Variants in ADGRL1 observed in about 807,000 individuals in gnomAD.
ADGRL1 encodes CIRL-1.
ADGRL1 carries 31 observed loss-of-function variants against 148.9 expected under a neutral mutation model. The observed-to-expected ratio is 0.21, with a 90% CI of 0.16 to 0.28. The LOEUF (loss-of-function observed/expected upper bound fraction) is 0.28, where lower values mean the gene tolerates loss of function less well. Ranked by LOEUF, ADGRL1 falls within the 10% of genes least tolerant of loss-of-function variation. The probability of loss-of-function intolerance (pLI) is 1.00; values close to 1 mark genes in which losing one functional copy is unlikely to be tolerated. For synonymous variants in ADGRL1, 937 were observed against 900.3 expected (o/e 1.04, Z -0.73); for missense variants, 1,521 against 2,058.8 (o/e 0.74, Z 5.05).
intron 2 of ADGRL1, among the ~76,000 whole-genome samples, chr19:14,182,672 G>C (rs1016754960): frequency 7.2e-5 from 11 of 152,206 alleles, no homozygotes; most frequent in East Asian, 1.9e-4. Context: ...GGGGTGGAAG[G>C]CTGGCTCAGA....
Position 14,161,915 on chromosome 19 carries a change from G to A in ADGRL1, c.1196-289C>T, listed in dbSNP as rs1969432350. The stretch of plus-strand genomic sequence containing the variant: ...GAGAGGCAGGGACAGAGGTGTCTGG[G>A]GGACAGGAATCCTCCCAGGTTGAGC... On this transcript the variant is annotated intron_variant, in intron 5 of 22. Transcript: ENST00000361434. The surrounding 1 kb of genome is among the most constrained non-coding windows in gnomAD (Gnocchi z 4.4). Among the ~76,000 whole-genome samples the A allele has an allele frequency of 6.6e-6, 1 of 152,144 alleles. No homozygotes were observed. Among genetic ancestry groups the A allele is most frequent in the Admixed American group, 6.5e-5 (1 of 15,290 alleles).
intron 2 of ADGRL1, among the ~76,000 whole-genome samples, chr19:14,183,247 C>A (rs958846243): frequency 9.8e-5 from 12 of 122,936 alleles, no homozygotes; most frequent in African/African-American, 3.3e-4. Flanking sequence ...GGAGCATCGG[C>A]TCACCAAGAA....
intron 2 of ADGRL1, among the ~76,000 whole-genome samples, chr19:14,183,285 C>A (rs1361981428): frequency 6.6e-6 from 1 of 151,716 alleles, no homozygotes. Flanking sequence ...GGGGCCACAG[C>A]GGGATGGCCC....
chr19:14,159,683 C>T lies in ADGRL1; in HGVS notation c.1839+52G>A. ...CTCTTCTCAACCTCCACCCCTAATC[C>T]CCCCATCAGCTGGAGCCCACGGTCC... On this transcript the variant is annotated intron_variant, in intron 9 of 22. Coordinates refer to ENST00000361434, the MANE Select transcript of ADGRL1 (RefSeq NM_014921.5). The surrounding 1 kb of genome is among the most constrained non-coding windows in gnomAD (Gnocchi z 6.0). The T allele has an allele frequency of 6.2e-7, 1 of 1,603,398 alleles. No individual in the cohort carries two copies. The highest frequency in any genetic ancestry group is 8.5e-7 in the Non-Finnish European group (1 of 1,170,724).
intron 12 of ADGRL1, 61 bp downstream of exon 12, chr19:14,158,277 C>G: frequency 1.3e-6 from 2 of 1,545,160 alleles, no homozygotes; most frequent in Non-Finnish European, 1.8e-6. Context: ...GGCAGGTACA[C>G]AGCCTGGGAA....
chr19:14,167,148 T>G (rs924304520), intron 4 of ADGRL1: 29 of 892,456 alleles, frequency 3.2e-5, no homozygotes, highest in Non-Finnish European at 5.0e-5. Flanking sequence ...ACACGCCCCC[T>G]TTTCCTTTCC....
At chr19:14,154,146 G>A (rs895744536) in intron 18 of ADGRL1, among the ~76,000 whole-genome samples, 19 of 152,096 alleles carry the variant, frequency 1.2e-4, no homozygotes, top group Admixed American at 1.0e-3. Flanking sequence ...CTGCCACTGC[G>A]TGTGAGGTGG....
intron 2 of ADGRL1, among the ~76,000 whole-genome samples, chr19:14,180,904 C>T (rs182701782): frequency 4.0e-5 from 6 of 151,572 alleles, no homozygotes; most frequent in African/African-American, 9.7e-5. Context: ...GCAAATTAGC[C>T]GGGCGTGGTG....
chr19:14,168,027 C>T (rs1970146537), intron 4 of ADGRL1, among the ~76,000 whole-genome samples: 1 of 152,128 alleles, frequency 6.6e-6, no homozygotes. Context: ...GGGAGGGTTC[C>T]CACACATCAC....
chr19:14,160,785 A>G lies in ADGRL1; in HGVS notation c.1511-89T>C. On this transcript the variant is annotated intron_variant, in intron 6 of 22. Transcript: ENST00000361434. The surrounding 1 kb of genome is among the most constrained non-coding windows in gnomAD (Gnocchi z 5.9). ...GAGAGGGGGAAAGGAGATGACAGAG[A>G]GTGGGGGACGAGCGGGCGAAGAGGG... 1.3e-6 allele frequency: 1 copy of G among 777,424 alleles called. No homozygotes were observed. The highest frequency in any genetic ancestry group is 2.3e-6 in the Non-Finnish European group (1 of 437,782). The allele number at this position is 777,424 out of a possible 1,614,324, so 48.2% of individuals were successfully genotyped here.
Position 14,151,070 on chromosome 19 carries a change from G to GGCC in ADGRL1, c.4212_4213insGGC (p.Leu1404_Pro1405insGly). ...CCGGGGGGTGCGGGAGGGGGTGGGG[G>GGCC]CAGGGCCTCACTGGGCCCCTCAGGG... On this transcript the variant is annotated inframe_insertion, in exon 23 of 23. Coordinates refer to ENST00000361434, the MANE Select transcript of ADGRL1 (RefSeq NM_014921.5). 1.4e-6 allele frequency: 1 copy of GGCC among 709,434 alleles called. No individual in the cohort carries two copies. Among genetic ancestry groups the GGCC allele is most frequent in the Non-Finnish European group, 2.2e-6 (1 of 459,078 alleles). The allele number at this position is 709,434 out of a possible 1,614,324, so 43.9% of individuals were successfully genotyped here.
chr19:14,176,343 T>C (rs1970825805), intron 3 of ADGRL1, among the ~76,000 whole-genome samples: 1 of 151,996 alleles, frequency 6.6e-6, no homozygotes, highest in Non-Finnish European at 1.5e-5. Context: ...AGACTGAGAC[T>C]CTGTCTCAAA....
chr19:14,191,370 G>A (rs1160398243), intron 1 of ADGRL1: 8 of 456,684 alleles, frequency 1.8e-5, no homozygotes, highest in East Asian at 7.0e-5. Flanking sequence ...TTGGTAAAAC[G>A]GGGATACCTC....
Position 14,156,324 on chromosome 19 carries a change from C to T in ADGRL1, c.3034-123G>A, listed in dbSNP as rs564077847. ...GCCCTCGCCTCTGCTGGGAGAACCCCGTACCTGCCCCTGAGGTGCCCGCTG... is the reference window on the plus strand; with the variant it reads ...GCCCTCGCCTCTGCTGGGAGAACCCTGTACCTGCCCCTGAGGTGCCCGCTG... On this transcript the variant is annotated intron_variant, in intron 16 of 22. Transcript: ENST00000361434. The T allele has an allele frequency of 2.4e-4, 187 of 772,976 alleles. No individual in the cohort carries two copies. In the East Asian group the frequency reaches 4.4e-3, roughly 18 times the overall value. 47.9% of individuals were successfully genotyped at this position (772,976 alleles called of 1,614,324 possible). A position where few individuals can be genotyped will look rare whatever the true frequency, so the allele number is the denominator to read the frequency against.
At chr19:14,192,740 G>A (rs1442246328) in intron 1 of ADGRL1, among the ~76,000 whole-genome samples, 1 of 151,972 alleles carries the variant, frequency 6.6e-6, no homozygotes, top group East Asian at 1.9e-4. Flanking sequence ...TAGTAGAGAC[G>A]GGGTTTCGCC....
chr19:14,180,004 T>TCTAGAGATG (rs1198796351), intron 2 of ADGRL1, among the ~76,000 whole-genome samples: 1 of 152,106 alleles, frequency 6.6e-6, no homozygotes, highest in Non-Finnish European at 1.5e-5. Flanking sequence ...TCAGCTGACT[T>TCTAGAGATG]CTAGAGATGC....
chr19:14,153,531 A>G (rs975566427), intron 18 of ADGRL1, among the ~76,000 whole-genome samples: 1 of 147,394 alleles, frequency 6.8e-6, no homozygotes, highest in African/African-American at 2.5e-5. Context: ...TTCTCCTGCC[A>G]CAGCCTCCTG....
chr19:14,160,465 G>A lies in ADGRL1; in HGVS notation c.1614+128C>T. The A allele has an allele frequency of 2.2e-6, 2 of 912,538 alleles. No homozygotes were observed. Among genetic ancestry groups the A allele is most frequent in the Non-Finnish European group, 3.3e-6 (2 of 610,718 alleles). The allele number at this position is 912,538 out of a possible 1,614,324, so 56.5% of individuals were successfully genotyped here. A position where few individuals can be genotyped will look rare whatever the true frequency, so the allele number is the denominator to read the frequency against. On this transcript the variant is annotated intron_variant, in intron 7 of 22. Transcript: ENST00000361434. This position sits in a 1 kb window ranked among gnomAD's most constrained non-coding sequence, Gnocchi z 5.9. ...CCCTGCTCCCTTTGTAGGCCAGGGA[G>A]GTGACCCCACAGTCCTGCCTTCCAG...
At chr19:14,186,573 A>G (rs1201142542) in intron 1 of ADGRL1, among the ~76,000 whole-genome samples, 1 of 152,056 alleles carries the variant, frequency 6.6e-6, no homozygotes, top group African/African-American at 2.4e-5. Context: ...ACCCAGGCCC[A>G]TGCACCATCC....
Sources: allele counts gnomAD v4.1 joint callset (sites outside exome capture counted in the v4.1 genomes callset), GRCh38; gene constraint gnomAD v4.1.1; non-coding constraint Gnocchi (gnomAD v3.1); transcripts MANE v1.5; gene names NCBI Gene and HGNC (gene_info 2026-07-23, HGNC 2026-07-21).